NIN: variants seen among roughly 807,000 people sequenced by gnomAD.
NIN encodes ninein, also known as glycogen synthase kinase 3 beta-interacting protein.
Under a neutral mutation model 257.6 loss-of-function variants are expected in NIN, and 137 were observed. The ratio of observed to expected loss-of-function variants is 0.53; its 90% CI spans 0.46 to 0.61. The LOEUF is 0.61. Among genes scored for constraint, NIN ranks in the 20% least tolerant of loss-of-function variants. NIN has a pLI of 0.00. For synonymous variants in NIN, 918 were observed against 919.8 expected (o/e 1.00, Z 0.04); for missense variants, 2,439 against 2,501.2 (o/e 0.98, Z 0.53).
Position 50,773,033 on chromosome 14 carries a change from G to C in NIN, c.729C>G (p.Phe243Leu). 6.2e-7 allele frequency: 1 copy of C among 1,612,472 alleles called. No homozygotes were observed. The highest frequency in any genetic ancestry group is 8.5e-7 in the Non-Finnish European group (1 of 1,178,772). The change falls in exon 8 of 31, where the codon TTC becomes TTG. Residue 243 changes from phenylalanine (F) to leucine (L), a missense_variant. Physicochemically the swap from Phe to Leu is conservative, Grantham distance 22. Transcript: ENST00000530997. ...PDGTMSVEDF[F>L]YGLFKNGKSL... ...ATTTTCCATTTTTAAACAAACCATA[G>C]AAAAAATCTTCTACACTCATTGTAC...
At chr14:50,823,707 T>C (rs982649572) in intron 2 of NIN, among the ~76,000 whole-genome samples, 10 of 152,224 alleles carry the variant, frequency 6.6e-5, no homozygotes, top group Admixed American at 1.3e-4. Flanking sequence ...GGCACAATTT[T>C]GGTCCAGGTT....
chr14:50,822,002 T>C lies in NIN; in HGVS notation c.55A>G (p.Ser19Gly). Residue 19 changes from serine to glycine, a missense_variant, in exon 3 of 31, where the codon AGT (serine) becomes GGT (glycine). By Grantham distance (56) the Ser-to-Gly change is moderately conservative. This residue lies in a region of NIN where 387 missense variants were observed against 427.3 expected (regional missense o/e 0.91). Coordinates refer to ENST00000530997, the MANE Select transcript of NIN (RefSeq NM_020921.4). ...GACCCTGTGCCCGTCGTGTCAAAAC[T>C]GTCAAACAGCTCCTTGAGTCGGGCC... ...HEARLKELFD[S>G]FDTTGTGSLG... The C allele has an allele frequency of 6.2e-7, 1 of 1,614,164 alleles. No individual in the cohort carries two copies. Among genetic ancestry groups the C allele is most frequent in the Non-Finnish European group, 8.5e-7 (1 of 1,180,018 alleles).
At chr14:50,809,594 C>T (rs571576723) in intron 3 of NIN, among the ~76,000 whole-genome samples, 31 of 152,234 alleles carry the variant, frequency 2.0e-4, no homozygotes, top group African/African-American at 7.0e-4. Context: ...CTTCTAAAGG[C>T]GTAAGTTTTG....
chr14:50,727,259 C>T, intron 29 of NIN: 1 of 967,448 alleles, frequency 1.0e-6, no homozygotes, highest in South Asian at 4.9e-5. Flanking sequence ...TTTATTGTTT[C>T]ATCAAAAATT....
chr14:50,753,147 C>T (rs961253571), intron 20 of NIN, among the ~76,000 whole-genome samples: 6 of 152,218 alleles, frequency 3.9e-5, no homozygotes, highest in Non-Finnish European at 7.3e-5. Context: ...CGCCTGTAAT[C>T]CCAGCACTTT....
intron 4 of NIN, among the ~76,000 whole-genome samples, chr14:50,797,546 G>C (rs926299937): frequency 6.6e-6 from 1 of 152,166 alleles, no homozygotes; most frequent in Non-Finnish European, 1.5e-5. Context: ...TCCCCAAGAA[G>C]CTTTCTTGGG....
chr14:50,769,337 G>A (rs547300264), intron 12 of NIN, among the ~76,000 whole-genome samples: 1 of 152,140 alleles, frequency 6.6e-6, no homozygotes, highest in African/African-American at 2.4e-5. Context: ...ATTATATGGT[G>A]TAAGAGTCCA....
chr14:50,826,152 G>A (rs1287700666), intron 2 of NIN, among the ~76,000 whole-genome samples: 8 of 152,190 alleles, frequency 5.3e-5, no homozygotes, highest in African/African-American at 1.9e-4. Context: ...ACCAGAGGCA[G>A]GAGTCTTACT....
At chr14:50,726,273 AAAATC>A (rs372254659) in intron 29 of NIN, 4 of 489,158 alleles carry the variant, frequency 8.2e-6, no homozygotes, top group Non-Finnish European at 1.5e-5. Context: ...ATCAGACTGA[AAAATC>A]AAAAGAATCT....
intron 12 of NIN, among the ~76,000 whole-genome samples, chr14:50,768,046 T>C: frequency 7.9e-6 from 1 of 126,368 alleles, no homozygotes; most frequent in African/African-American, 3.0e-5. Flanking sequence ...TCCAACCACA[T>C]TTGCCAACAC....
At chr14:50,727,194 G>T (rs2040450877) in intron 29 of NIN, 5 of 844,170 alleles carry the variant, frequency 5.9e-6, no homozygotes, top group African/African-American at 5.5e-5. Flanking sequence ...ACATAGAGTT[G>T]GCAAAAGAGT....
chr14:50,822,952 C>T (rs1595948529), intron 2 of NIN, among the ~76,000 whole-genome samples: 1 of 152,154 alleles, frequency 6.6e-6, no homozygotes, highest in East Asian at 1.9e-4. Context: ...TCTCAGGGAA[C>T]CTCCACTCAC....
intron 30 of NIN, chr14:50,724,346 A>C (rs1262842287): frequency 9.4e-6 from 2 of 212,026 alleles, no homozygotes; most frequent in Non-Finnish European, 1.9e-5. Flanking sequence ...CCCAATTTCA[A>C]GTAGGGCATC....
At chr14:50,730,363 C>A (rs1257443791) in intron 28 of NIN, among the ~76,000 whole-genome samples, 1 of 152,122 alleles carries the variant, frequency 6.6e-6, no homozygotes, top group Non-Finnish European at 1.5e-5. Context: ...AAATGTGTAC[C>A]AACATGCCAG....
At chr14:50,798,498 T>C (rs963241234) in intron 4 of NIN, among the ~76,000 whole-genome samples, 1 of 152,184 alleles carries the variant, frequency 6.6e-6, no homozygotes, top group African/African-American at 2.4e-5. Flanking sequence ...CCTAATGCAA[T>C]TGAAGATCAG....
chr14:50,768,945 G>A (rs1178469720), intron 12 of NIN, among the ~76,000 whole-genome samples: 3 of 152,206 alleles, frequency 2.0e-5, no homozygotes, highest in Admixed American at 2.0e-4. Flanking sequence ...ACAGGCTGAT[G>A]AGTAATCATG....
rs2042683611 is a variant in NIN at position 50,770,423 on chromosome 14, T to C, written c.1399A>G (p.Asn467Asp). The C allele has an allele frequency of 6.2e-7, 1 of 1,614,062 alleles. No homozygotes were observed. Among genetic ancestry groups the C allele is most frequent in the South Asian group, 1.1e-5 (1 of 91,086 alleles). Residue 467 changes from asparagine (N) to aspartate (D), a missense_variant, in exon 12 of 31, where the codon AAC (asparagine) becomes GAC (aspartate). Coordinates refer to ENST00000530997, the MANE Select transcript of NIN (RefSeq NM_020921.4). ...QEIEKAKTEE[N>D]YIRDRLALSL... Reference sequence around the variant, plus strand: ...AGGGCAAGGCGGTCCCGGATATAGTTCTCTTCTGTTTTTGCCTTTTCAATT... The same window carrying C: ...AGGGCAAGGCGGTCCCGGATATAGTCCTCTTCTGTTTTTGCCTTTTCAATT...
In NIN at chr14:50,750,341, T is replaced by C. The variant is rs79324851; in HGVS notation, c.4950+2177A>G. Among the ~76,000 whole-genome samples, 1,223 of 152,318 alleles carry C rather than the reference T, an allele frequency of 8.0e-3. 19 individuals carry two copies. The highest frequency in any genetic ancestry group is 0.027 in the African/African-American group (1,137 of 41,574). On this transcript the variant is annotated intron_variant, in intron 21 of 30. Transcript: ENST00000530997. The stretch of plus-strand genomic sequence containing the variant: ...GTATACATATTAGAAACCATGAGTT[T>C]ATCCAAATACCGCAGATCTCAATGT...
At chr14:50,751,079 A>G (rs2041767952) in intron 21 of NIN, among the ~76,000 whole-genome samples, 1 of 152,200 alleles carries the variant, frequency 6.6e-6, no homozygotes, top group Admixed American at 6.5e-5. Flanking sequence ...TTTCATATAA[A>G]TAAGGATTTC....
Sources: gnomAD v4.1 joint callset for allele counts (sites outside exome capture counted in the v4.1 genomes callset) on GRCh38, gnomAD v4.1.1 for gene constraint, gnomAD v4.1.1 regional missense constraint, MANE v1.5 for transcripts, NCBI Gene and HGNC (gene_info 2026-07-23, HGNC 2026-07-21) for gene names.